The following POU2F1 variants were observed in gnomAD, a reference collection of about 807,000 sequenced individuals.
POU2F1 encodes POU class 2 homeobox 1.
Under a neutral mutation model 84.9 loss-of-function variants are expected in POU2F1, and 16 were observed. The observed-to-expected ratio is 0.19, with a 90% CI of 0.13 to 0.29. POU2F1 has a LOEUF of 0.29. Ranked by LOEUF, POU2F1 falls within the 10% of genes least tolerant of loss-of-function variation. The pLI is 1.00. For synonymous variants in POU2F1, 368 were observed against 368.3 expected (o/e 1.00, Z 0.01); for missense variants, 738 against 942.6 (o/e 0.78, Z 2.84).
At chr1:167,269,303 G>C (rs190340947) in intron 1 of POU2F1, among the ~76,000 whole-genome samples, 1 of 152,192 alleles carries the variant, frequency 6.6e-6, no homozygotes. Flanking sequence ...TGTCAGTTAC[G>C]TTTGCAAAGG....
chr1:167,261,586 G>A (rs1375621632), intron 1 of POU2F1, among the ~76,000 whole-genome samples: 1 of 152,196 alleles, frequency 6.6e-6, no homozygotes, highest in Non-Finnish European at 1.5e-5. Context: ...ATTTTGCATT[G>A]AGGATGACCA....
chr1:167,415,663 C>T lies in POU2F1; in HGVS notation c.2154C>T (p.Ala718=), dbSNP rs546309391. 7 of 1,614,172 alleles carry T rather than the reference C, an allele frequency of 4.3e-6. No homozygotes were observed. The highest frequency in any genetic ancestry group is 1.7e-5 in the Admixed American group (1 of 60,010). ...GCAACCCTGTTAGCTTGGTCTCTGCCGCCGCAGCATCTGCAGGGAACTCTG... is the reference window on the plus strand; with the variant it reads ...GCAACCCTGTTAGCTTGGTCTCTGCTGCCGCAGCATCTGCAGGGAACTCTG... The part of the protein sequence containing the change: ...LTSNPVSLVS[A]AAASAGNSAP... Residue 718 remains alanine (A), a synonymous_variant, in exon 16 of 16, where the codon GCC becomes GCT. Coordinates refer to ENST00000367866, the MANE Select transcript of POU2F1 (RefSeq NM_002697.4).
At chr1:167,349,474 C>G (rs1315538699) in intron 2 of POU2F1, among the ~76,000 whole-genome samples, 1 of 151,918 alleles carries the variant, frequency 6.6e-6, no homozygotes, top group African/African-American at 2.4e-5. Flanking sequence ...TTATCTATTT[C>G]CCAACTAGAA....
chr1:167,409,743 G>A (rs958781383), intron 13 of POU2F1, among the ~76,000 whole-genome samples: 1 of 152,170 alleles, frequency 6.6e-6, no homozygotes, highest in Non-Finnish European at 1.5e-5. Flanking sequence ...AAGGTGGCTG[G>A]AGAGTAAAGA....
Position 167,335,630 on chromosome 1 carries a change from T to C in POU2F1, c.127+3095T>C, listed in dbSNP as rs562214408. ...ACATCAGATTGCTTCATTTTTCTCA[T>C]TAAAGTAGTTGAGGTGGTCATCTGA... is the stretch of plus-strand genomic sequence containing the variant. On this transcript the variant is annotated intron_variant, in intron 2 of 15. Transcript: ENST00000367866. 5.1e-4 allele frequency among the ~76,000 whole-genome samples: 78 copies of C among 152,332 alleles called. 1 individual carries two copies. The highest frequency in any genetic ancestry group is 9.3e-4 in the Non-Finnish European group (63 of 68,038).
chr1:167,309,096 A>C (rs942135879), intron 1 of POU2F1, among the ~76,000 whole-genome samples: 2 of 147,808 alleles, frequency 1.4e-5, no homozygotes, highest in Non-Finnish European at 1.5e-5. Flanking sequence ...AAGTGCTTCC[A>C]CTAGTGGTTT....
rs16858810 is a variant in POU2F1, at chr1:167,242,367, C to G, written c.61+21409C>G. On this transcript the variant is annotated intron_variant, in intron 1 of 15. Coordinates refer to ENST00000367866, the MANE Select transcript of POU2F1 (RefSeq NM_002697.4). ...TGTATACCTTTGGAAAATGTGTTTCCTGTTATAGACACATAGAAGGACCTG... is the reference window on the plus strand; with the variant it reads ...TGTATACCTTTGGAAAATGTGTTTCGTGTTATAGACACATAGAAGGACCTG... 7.0e-3 allele frequency among the ~76,000 whole-genome samples: 1,070 copies of G among 152,260 alleles called. 8 individuals are homozygous for G. The highest frequency in any genetic ancestry group is 0.024 in the African/African-American group (1,015 of 41,552).
At chr1:167,286,379 C>A (rs954588480) in intron 1 of POU2F1, among the ~76,000 whole-genome samples, 1 of 152,156 alleles carries the variant, frequency 6.6e-6, no homozygotes, top group African/African-American at 2.4e-5. Flanking sequence ...GGCACAGGAT[C>A]AACCAGTAAG....
In POU2F1 at chr1:167,271,612, A is replaced by G. The variant is rs763709161; in HGVS notation, c.61+50654A>G. On this transcript the variant is annotated intron_variant, in intron 1 of 15. Coordinates refer to ENST00000367866, the MANE Select transcript of POU2F1 (RefSeq NM_002697.4). ...AGTAGATTTTGATTTAAAACATTCA[A>G]GCTGTGCCCTGGGGAGAGGGATGTG... Among the ~76,000 whole-genome samples the G allele has an allele frequency of 5.3e-5, 8 of 152,182 alleles. No homozygotes were observed. The South Asian group carries it at 1.4e-3, about 28-fold the overall frequency.
At chr1:167,233,466 C>T (rs534640480) in intron 1 of POU2F1, among the ~76,000 whole-genome samples, 17 of 152,136 alleles carry the variant, frequency 1.1e-4, no homozygotes, top group Middle Eastern at 6.8e-3. Context: ...CAAATACTTA[C>T]CATTGTGTTA....
chr1:167,413,967 A>G (rs1351481815), intron 15 of POU2F1, among the ~76,000 whole-genome samples: 1 of 151,862 alleles, frequency 6.6e-6, no homozygotes, highest in Non-Finnish European at 1.5e-5. Flanking sequence ...AGCGTGGGTA[A>G]CACAGTAAGA....
At chr1:167,224,579 A>T (rs573402590) in intron 1 of POU2F1, among the ~76,000 whole-genome samples, 1 of 152,172 alleles carries the variant, frequency 6.6e-6, no homozygotes, top group Non-Finnish European at 1.5e-5. Flanking sequence ...AATTTTTGAC[A>T]TATTAATAGA....
At chr1:167,388,468 A>T (rs1009162323) in intron 8 of POU2F1, among the ~76,000 whole-genome samples, 3 of 152,204 alleles carry the variant, frequency 2.0e-5, no homozygotes, top group Admixed American at 6.5e-5. Flanking sequence ...GGTGGAAAAA[A>T]TAACTAATAT....
At chr1:167,329,441 G>C (rs1025997010) in intron 1 of POU2F1, 96 of 1,004,136 alleles carry the variant, frequency 9.6e-5, no homozygotes, top group Non-Finnish European at 1.3e-4. Flanking sequence ...AGCAGGGAAG[G>C]AGGAAAGCAT....
chr1:167,423,469 G>A lies in POU2F1; in HGVS notation c.*7659G>A, dbSNP rs1650765539. 6.6e-6 allele frequency: 1 copy of A among 152,200 alleles called. No individual in the cohort carries two copies. The highest frequency in any genetic ancestry group is 1.5e-5 in the Non-Finnish European group (1 of 68,050). The allele number at this position is 152,200 out of a possible 1,614,324, so 9.4% of individuals were successfully genotyped here. A position where few individuals can be genotyped will look rare whatever the true frequency, so the allele number is the denominator to read the frequency against. On this transcript the variant is annotated 3_prime_UTR_variant, in exon 16 of 16. Coordinates refer to ENST00000367866, the MANE Select transcript of POU2F1 (RefSeq NM_002697.4). ...AGATAGGTTTATAAGTAGGTAATAG[G>A]GATGTTGAAGATTAGAGCACTTGAA...
chr1:167,355,672 C>T (rs1454693150), intron 2 of POU2F1, among the ~76,000 whole-genome samples: 2 of 152,142 alleles, frequency 1.3e-5, no homozygotes, highest in Non-Finnish European at 2.9e-5. Flanking sequence ...ATAATAACTG[C>T]ACATTTTTAA....
Position 167,426,444 on chromosome 1 carries a change from G to A in POU2F1, c.*10634G>A, listed in dbSNP as rs1316300860. On this transcript the variant is annotated 3_prime_UTR_variant, in exon 16 of 16. Transcript: ENST00000367866. ...AAAGAAAATGAAAAAAGTTCTGAGT[G>A]TACATAATATTCAATAATAATCTCC... 6.6e-6 allele frequency: 1 copy of A among 152,164 alleles called. No individual in the cohort carries two copies. Among genetic ancestry groups the A allele is most frequent in the Non-Finnish European group, 1.5e-5 (1 of 68,032 alleles). The allele number at this position is 152,164 out of a possible 1,614,324, so 9.4% of individuals were successfully genotyped here.
chr1:167,319,094 T>C (rs1229078379), intron 1 of POU2F1: 1 of 153,412 alleles, frequency 6.5e-6, no homozygotes, highest in East Asian at 1.9e-4. Context: ...CTCATGACAG[T>C]TGAGGTCCTC....
At chr1:167,255,518 A>G (rs768711495) in intron 1 of POU2F1, among the ~76,000 whole-genome samples, 5 of 152,216 alleles carry the variant, frequency 3.3e-5, no homozygotes, top group Non-Finnish European at 7.3e-5. Context: ...ACAAGCATAC[A>G]TTAAAGAATA....
Sources: allele counts gnomAD v4.1 joint callset (sites outside exome capture counted in the v4.1 genomes callset), GRCh38; gene constraint gnomAD v4.1.1; transcripts MANE v1.5; gene names NCBI Gene and HGNC (gene_info 2026-07-23, HGNC 2026-07-21).